Variants in SH3PXD2A observed in about 807,000 individuals in gnomAD.
The protein encoded by SH3PXD2A is SH3 and PX domain-containing protein 2A.
Under a neutral mutation model 115.2 loss-of-function variants are expected in SH3PXD2A, and 32 were observed. The observed-to-expected ratio is 0.28, with a 90% CI of 0.21 to 0.37. The LOEUF is 0.37. Among genes scored for constraint, SH3PXD2A ranks in the 10% least tolerant of loss-of-function variants. SH3PXD2A has a pLI of 1.00. For missense variants in SH3PXD2A, 1,328 were observed against 1,498.7 expected (o/e 0.89, Z 1.88); for synonymous variants, 610 against 629.1 (o/e 0.97, Z 0.45).
chr10:103,670,839 G>A (rs965012162), intron 6 of SH3PXD2A, among the ~76,000 whole-genome samples: 31 of 152,364 alleles, frequency 2.0e-4, no homozygotes, highest in Admixed American at 1.8e-3. Flanking sequence ...ATTTAAGCTG[G>A]TATGGCCAAG....
intron 5 of SH3PXD2A, among the ~76,000 whole-genome samples, chr10:103,699,412 T>G (rs1564867153): frequency 6.6e-6 from 1 of 152,208 alleles, no homozygotes; most frequent in Non-Finnish European, 1.5e-5. Context: ...TATTTCCCAC[T>G]GTGGCAGGAG....
At chr10:103,800,274 AG>A (rs2039135039) in intron 2 of SH3PXD2A, among the ~76,000 whole-genome samples, 1 of 152,196 alleles carries the variant, frequency 6.6e-6, no homozygotes, top group Non-Finnish European at 1.5e-5. Flanking sequence ...CTGTGCTAAA[AG>A]ACCCTCAACT....
intron 4 of SH3PXD2A, among the ~76,000 whole-genome samples, chr10:103,726,967 A>G (rs1309915328): frequency 6.6e-6 from 1 of 152,198 alleles, no homozygotes; most frequent in East Asian, 1.9e-4. Context: ...AAAAACAGAA[A>G]AGGAAAATTA....
At chr10:103,797,410 TC>T (rs2039102711) in intron 2 of SH3PXD2A, among the ~76,000 whole-genome samples, 1 of 151,968 alleles carries the variant, frequency 6.6e-6, no homozygotes, top group African/African-American at 2.4e-5. Flanking sequence ...GGAGGTTCTC[TC>T]CATCTCTCCC....
chr10:103,676,155 T>C (rs1199176335), intron 6 of SH3PXD2A, among the ~76,000 whole-genome samples: 1 of 152,162 alleles, frequency 6.6e-6, no homozygotes, highest in Non-Finnish European at 1.5e-5. Flanking sequence ...AGGGTCCTCA[T>C]GGGGGATGTC....
intron 8 of SH3PXD2A, among the ~76,000 whole-genome samples, chr10:103,651,209 C>T (rs545528117): frequency 6.6e-6 from 1 of 152,290 alleles, no homozygotes; most frequent in East Asian, 1.9e-4. Context: ...TGGGTCCCCA[C>T]AGCTACACAC....
chr10:103,741,386 C>T (rs866835318), intron 3 of SH3PXD2A, among the ~76,000 whole-genome samples: 1 of 152,212 alleles, frequency 6.6e-6, no homozygotes, highest in South Asian at 2.1e-4. Flanking sequence ...TCCTTGAATG[C>T]TTGTCTCGCC....
intron 1 of SH3PXD2A, among the ~76,000 whole-genome samples, chr10:103,844,027 C>T (rs576887914): frequency 6.6e-6 from 1 of 152,330 alleles, no homozygotes; most frequent in South Asian, 2.1e-4. Context: ...AAACATGAGG[C>T]TGCTTGCTTC....
intron 3 of SH3PXD2A, 85 bp from the exon 4 acceptor site, chr10:103,735,893 G>C: frequency 9.5e-7 from 1 of 1,052,518 alleles, no homozygotes; most frequent in East Asian, 2.4e-5. Context: ...TGGCTTCTCA[G>C]CATCTTAGTC....
intron 1 of SH3PXD2A, among the ~76,000 whole-genome samples, chr10:103,808,535 G>A (rs2039231033): frequency 6.6e-6 from 1 of 152,114 alleles, no homozygotes. Flanking sequence ...ACAGATGCGA[G>A]CTACCATGCC....
intron 4 of SH3PXD2A, among the ~76,000 whole-genome samples, chr10:103,732,895 T>C (rs969339300): frequency 6.6e-6 from 1 of 152,192 alleles, no homozygotes; most frequent in African/African-American, 2.4e-5. Context: ...CGGCCGGTGA[T>C]GCTGAGTGGT....
At chr10:103,697,107 G>A (rs2037834691) in intron 5 of SH3PXD2A, among the ~76,000 whole-genome samples, 1 of 152,120 alleles carries the variant, frequency 6.6e-6, no homozygotes, top group African/African-American at 2.4e-5. Flanking sequence ...TGGAGACGGA[G>A]GCCTCCAGTT....
Position 103,835,961 on chromosome 10 carries a change from G to A in SH3PXD2A, c.72+19234C>T, listed in dbSNP as rs78180487. On this transcript the variant is annotated intron_variant, in intron 1 of 14. Coordinates refer to ENST00000369774, the MANE Select transcript of SH3PXD2A (RefSeq NM_001394015.1). ...CCAAGCTCCCCCTTCACTGGACGAG[G>A]AACCAGCAAAGGATGGACTAAAGGC... is the stretch of plus-strand genomic sequence containing the variant. Among the ~76,000 whole-genome samples the A allele has an allele frequency of 3.2e-3, 484 of 152,278 alleles. 4 individuals are homozygous for A. The highest frequency in any genetic ancestry group is 0.014 in the Middle Eastern group (4 of 294).
At chr10:103,734,486 C>A (rs374144829) in intron 4 of SH3PXD2A, among the ~76,000 whole-genome samples, 1 of 152,188 alleles carries the variant, frequency 6.6e-6, no homozygotes, top group African/African-American at 2.4e-5. Flanking sequence ...CGGTGGCTCA[C>A]GCCTGTAATC....
intron 1 of SH3PXD2A, among the ~76,000 whole-genome samples, 180 bp from the exon 2 acceptor site, chr10:103,801,542 T>TACACACACACAC (rs148335179): frequency 0.03 from 4,353 of 142,894 alleles, 111 homozygotes; most frequent in South Asian, 0.054. Context: ...TATGTCTAAA[T>TACACACACACAC]ACACACACAC....
intron 2 of SH3PXD2A, among the ~76,000 whole-genome samples, chr10:103,779,298 C>T (rs1287607656): frequency 1.3e-5 from 2 of 152,186 alleles, no homozygotes; most frequent in Non-Finnish European, 2.9e-5. Flanking sequence ...GAAATCCTGA[C>T]CTCAAGCGAT....
At chr10:103,664,770 A>C (rs545322723) in intron 7 of SH3PXD2A, among the ~76,000 whole-genome samples, 1 of 151,340 alleles carries the variant, frequency 6.6e-6, no homozygotes, top group East Asian at 1.9e-4. Context: ...AGGTTCAAGC[A>C]ATTCTCCAGC....
chr10:103,709,449 T>C (rs1054192320), intron 5 of SH3PXD2A, among the ~76,000 whole-genome samples: 3 of 152,154 alleles, frequency 2.0e-5, no homozygotes, highest in Admixed American at 6.5e-5. Context: ...TGCCTCTCAC[T>C]GGGACACAGC....
rs1428185989 is a variant in SH3PXD2A, at chr10:103,617,228, G to A, written c.889C>T (p.Arg297Trp). 8 of 1,613,822 alleles carry A rather than the reference G, an allele frequency of 5.0e-6. No individual in the cohort carries two copies. The highest frequency in any genetic ancestry group is 1.1e-5 in the South Asian group (1 of 91,074). ...TACCACCAGCCTTCCAGATTCTTCCGGATCACCTCCACTGTGACGCCCTTC... is the reference window on the plus strand; with the variant it reads ...TACCACCAGCCTTCCAGATTCTTCCAGATCACCTCCACTGTGACGCCCTTC... ...FEKGVTVEVI[R>W]KNLEGWWYIR... Residue 297 changes from arginine to tryptophan, a missense_variant, in exon 11 of 15, where the codon CGG becomes TGG. By Grantham distance (101) the Arg-to-Trp change is moderately radical. This residue lies in a region of SH3PXD2A where 509 missense variants were observed against 628.3 expected (regional missense o/e 0.81). Coordinates refer to ENST00000369774, the MANE Select transcript of SH3PXD2A (RefSeq NM_001394015.1).
Sources: gnomAD v4.1 joint callset for allele counts (sites outside exome capture counted in the v4.1 genomes callset) on GRCh38, gnomAD v4.1.1 for gene constraint, gnomAD v4.1.1 regional missense constraint, MANE v1.5 for transcripts, NCBI Gene and HGNC (gene_info 2026-07-23, HGNC 2026-07-21) for gene names.